The following CHD1 variants were observed in gnomAD, a reference collection of about 807,000 sequenced individuals.
The protein encoded by CHD1 is chromodomain helicase DNA binding protein 1, also known as ATP-dependent chromatin remodeler CHD1.
A neutral mutation model predicts 224.2 loss-of-function variants in CHD1; 36 were observed. That is an observed-to-expected ratio of 0.16 (90% CI 0.12 to 0.21). The LOEUF (loss-of-function observed/expected upper bound fraction) is 0.21. Ranked by LOEUF, CHD1 falls within the 10% of genes least tolerant of loss-of-function variation. CHD1 has a pLI of 1.00. For synonymous variants in CHD1, 668 were observed against 658.3 expected, an observed-to-expected ratio of 1.01 and a Z score of -0.23; for missense variants, 1,378 against 1,994.8, an observed-to-expected ratio of 0.69 and a Z score of 5.89.
intron 12 of CHD1, 133 bp downstream of exon 12, chr5:98,896,093 T>G: frequency 1.5e-6 from 1 of 688,934 alleles, no homozygotes; most frequent in Non-Finnish European, 2.5e-6. Flanking sequence ...TGGTCCCAGT[T>G]GCAGTGAGCC....
At chr5:98,901,983 CTT>C (rs1751747070) in intron 5 of CHD1, among the ~76,000 whole-genome samples, 1 of 152,044 alleles carries the variant, frequency 6.6e-6, no homozygotes, top group Admixed American at 6.5e-5. Flanking sequence ...TGCTCTGTAT[CTT>C]TTGCACCAAT....
chr5:98,865,014 A>G (rs1348676600), intron 31 of CHD1, among the ~76,000 whole-genome samples: 1 of 152,216 alleles, frequency 6.6e-6, no homozygotes, highest in African/African-American at 2.4e-5. Context: ...GAGAGCCAGT[A>G]AATGAACAAG....
chr5:98,921,882 T>C (rs544754859), intron 2 of CHD1, among the ~76,000 whole-genome samples: 1 of 152,326 alleles, frequency 6.6e-6, no homozygotes, highest in Non-Finnish European at 1.5e-5. Context: ...CCAGGCGCAG[T>C]GGCTCATGCC....
chr5:98,922,153 TAA>T (rs779491934), intron 2 of CHD1, among the ~76,000 whole-genome samples: 4 of 150,538 alleles, frequency 2.7e-5, no homozygotes, highest in Non-Finnish European at 5.9e-5. Context: ...CCATCTCAAT[TAA>T]AAAAAAACAA....
chr5:98,883,371 C>A, intron 18 of CHD1, 134 bp from the exon 19 acceptor site: 1 of 489,968 alleles, frequency 2.0e-6, no homozygotes, highest in Non-Finnish European at 3.6e-6. Context: ...AACAAAAAGA[C>A]TCCAAAATCA....
At position 98,878,437 on chromosome 5, in the gene CHD1, A is replaced by G. The variant is rs184743130; in HGVS notation, c.3237+1115T>C. Reference sequence around the variant, plus strand: ...CAAGCCCCTCATTTGCCCCAGGCTTAAAATTTAAGGAAGCACGAAAAAACT... The same window carrying G: ...CAAGCCCCTCATTTGCCCCAGGCTTGAAATTTAAGGAAGCACGAAAAAACT... On this transcript the variant is annotated intron_variant, in intron 23 of 35. Transcript: ENST00000614616. Among the ~76,000 whole-genome samples, 802 of 152,390 alleles carry G rather than the reference A, an allele frequency of 5.3e-3. 7 individuals carry two copies. Among genetic ancestry groups the G allele is most frequent in the Middle Eastern group, 0.01 (3 of 294 alleles).
At position 98,858,980 on chromosome 5, in the gene CHD1, G is replaced by C. The variant is rs752107996; in HGVS notation, c.4560C>G (p.His1520Gln). ...CTTACATACCTGGATTTCTAATCAC[G>C]TGAGGATTCAAGTTGCTGTTTTGAT... is the stretch of plus-strand genomic sequence containing the variant. ...NSDQNSNLNP[H>Q]VIRNPDVERL... Residue 1520 changes from histidine (H) to glutamine (Q), a missense_variant, in exon 34 of 36, where the codon CAC becomes CAG. Coordinates refer to ENST00000614616, the MANE Select transcript of CHD1 (RefSeq NM_001270.4). 1 of 1,557,878 alleles carries C rather than the reference G, an allele frequency of 6.4e-7. No homozygotes were observed. Among genetic ancestry groups the C allele is most frequent in the East Asian group, 2.5e-5 (1 of 40,796 alleles).
chr5:98,872,234 TG>T (rs1355667837), intron 27 of CHD1, 33 bp from the exon 28 acceptor site: 1 of 1,581,912 alleles, frequency 6.3e-7, no homozygotes. Context: ...ATGATAAGTT[TG>T]TAATTGCCTT....
At chr5:98,898,218 T>C in intron 10 of CHD1, 38 bp downstream of exon 10, 3 of 1,119,726 alleles carry the variant, frequency 2.7e-6, no homozygotes, top group Non-Finnish European at 1.2e-6. Context: ...AATGTATAAA[T>C]ATATTTTTAA....
At chr5:98,898,232 T>C in intron 10 of CHD1, 24 bp downstream of exon 10, 1 of 1,294,304 alleles carries the variant, frequency 7.7e-7, no homozygotes, top group Non-Finnish European at 1.0e-6. Flanking sequence ...TTTTTAATAA[T>C]TTAAAATGTT....
Position 98,879,774 on chromosome 5 carries a change from A to T in CHD1, c.3061-46T>A, listed in dbSNP as rs747665514. The T allele has an allele frequency of 2.1e-6, 3 of 1,398,986 alleles. No individual in the cohort carries two copies. The Admixed American group carries it at 7.3e-5, about 34-fold the overall frequency. The allele number at this position is 1,398,986 out of a possible 1,614,324, so 86.7% of individuals were successfully genotyped here. A position where few individuals can be genotyped will look rare whatever the true frequency, so the allele number is the denominator to read the frequency against. ...AAGAGTAACTGTTACAGAAAAATTG[A>T]TCCCTAAAAGTTTTTTTTAAGGGGA... On this transcript the variant is annotated intron_variant, in intron 22 of 35. Coordinates refer to ENST00000614616, the MANE Select transcript of CHD1 (RefSeq NM_001270.4).
chr5:98,881,421 A>G (rs779992421), intron 20 of CHD1, 46 bp from the exon 21 acceptor site: 13 of 913,886 alleles, frequency 1.4e-5, no homozygotes, highest in African/African-American at 8.6e-5. Flanking sequence ...AGTTAAAAAT[A>G]TAACAGTTAC....
At chr5:98,918,261 A>G (rs1013369199) in intron 2 of CHD1, among the ~76,000 whole-genome samples, 17 of 150,972 alleles carry the variant, frequency 1.1e-4, no homozygotes, top group Admixed American at 5.3e-4. Flanking sequence ...GGTTTTCACC[A>G]TATTAGCCAG....
At chr5:98,918,241 G>A (rs777803710) in intron 2 of CHD1, among the ~76,000 whole-genome samples, 1 of 151,344 alleles carries the variant, frequency 6.6e-6, no homozygotes, top group Admixed American at 6.6e-5. Context: ...TGTATTTTTA[G>A]TAGAGACGGG....
chr5:98,928,571 C>A lies in CHD1; in HGVS notation c.-181G>T, dbSNP rs1284716707. 1 of 152,042 alleles carries A rather than the reference C, an allele frequency of 6.6e-6. No homozygotes were observed. The highest frequency in any genetic ancestry group is 1.9e-4 in the East Asian group (1 of 5,142). The allele number at this position is 152,042 out of a possible 1,614,324, so 9.4% of individuals were successfully genotyped here. A position where few individuals can be genotyped will look rare whatever the true frequency, so the allele number is the denominator to read the frequency against. On this transcript the variant is annotated 5_prime_UTR_variant, in exon 1 of 36. Transcript: ENST00000614616. ...CTTGGCGGGGCGGAGGGAGCCGACT[C>A]GGGTGGACGGCCTCCCCCGCGCCCA...
Position 98,928,805 on chromosome 5 carries a change from G to C in CHD1, c.-415C>G, listed in dbSNP as rs1291172509. ...CAGCAAGAGCTATAAGTAACCAGTCGTCGCCGCCGCCGCCGCCGCCGTCGC... is the reference window on the plus strand; with the variant it reads ...CAGCAAGAGCTATAAGTAACCAGTCCTCGCCGCCGCCGCCGCCGCCGTCGC... On this transcript the variant is annotated 5_prime_UTR_variant, in exon 1 of 36. Transcript: ENST00000614616. 1 of 159,060 alleles carries C rather than the reference G, an allele frequency of 6.3e-6. No homozygotes were observed. The highest frequency in any genetic ancestry group is 1.6e-4 in the South Asian group (1 of 6,222). 9.9% of individuals were successfully genotyped at this position (159,060 alleles called of 1,614,324 possible).
chr5:98,870,945 G>T, intron 28 of CHD1, 142 bp from the exon 29 acceptor site: 1 of 444,520 alleles, frequency 2.2e-6, no homozygotes, highest in Non-Finnish European at 3.9e-6. Flanking sequence ...TAAACTCAAT[G>T]CAAAATGTAT....
In CHD1 at chr5:98,873,849, C is replaced by G. The variant is rs564213622; in HGVS notation, c.3441-126G>C. On this transcript the variant is annotated intron_variant, in intron 25 of 35. Coordinates refer to ENST00000614616, the MANE Select transcript of CHD1 (RefSeq NM_001270.4). ...TGCATGCTCTATATATTCTTGTTCA[C>G]ATAAATGGCAGGAAACACATAAAAA... 13 of 735,504 alleles carry G rather than the reference C, an allele frequency of 1.8e-5. No homozygotes were observed. In the Admixed American group the frequency reaches 3.5e-4, roughly 20 times the overall value. The allele number at this position is 735,504 out of a possible 1,614,324, so 45.6% of individuals were successfully genotyped here. A position where few individuals can be genotyped will look rare whatever the true frequency, so the allele number is the denominator to read the frequency against.
At position 98,913,932 on chromosome 5, in the gene CHD1, T is replaced by TA. The variant is rs1561542770; in HGVS notation, c.54-8835_54-8834insT. 5.9e-5 allele frequency among the ~76,000 whole-genome samples: 9 copies of TA among 152,218 alleles called. No individual in the cohort carries two copies. The East Asian group carries it at 1.7e-3, about 29-fold the overall frequency. On this transcript the variant is annotated intron_variant, in intron 2 of 35. Transcript: ENST00000614616. ...TATGATGAGAGTAGTAGTTTTTTTT[T>TA]TAAAAAATTCCTTAATGTTTGTGGC...
Sources: gnomAD v4.1 joint callset for allele counts (sites outside exome capture counted in the v4.1 genomes callset) on GRCh38, gnomAD v4.1.1 for gene constraint, MANE v1.5 for transcripts, NCBI Gene and HGNC (gene_info 2026-07-23, HGNC 2026-07-21) for gene names.